CDYL2: variants seen among roughly 807,000 people sequenced by gnomAD.
CDYL2 encodes the protein chromodomain Y like 2, also known as chromodomain Y-like protein 2.
Under a neutral mutation model 49.4 loss-of-function variants are expected in CDYL2, and 23 were observed. The ratio of observed to expected loss-of-function variants is 0.47; its 90% CI spans 0.34 to 0.66. CDYL2 has a LOEUF of 0.66. Among genes scored for constraint, CDYL2 ranks in the 30% least tolerant of loss-of-function variants. The pLI, the probability that CDYL2 is intolerant of heterozygous loss-of-function variation, is 0.01. For synonymous variants in CDYL2, 360 were observed against 268.8 expected (o/e 1.34, Z -3.32); for missense variants, 678 against 656.4 (o/e 1.03, Z -0.36).
At chr16:80,637,738 G>A (rs574191269) in intron 2 of CDYL2, among the ~76,000 whole-genome samples, 1 of 152,108 alleles carries the variant, frequency 6.6e-6, no homozygotes, top group East Asian at 1.9e-4. Flanking sequence ...TTTCAAAGTA[G>A]CTAGAACAGA....
At chr16:80,752,647 A>G (rs1372150844) in intron 1 of CDYL2, among the ~76,000 whole-genome samples, 2 of 152,234 alleles carry the variant, frequency 1.3e-5, no homozygotes, top group Non-Finnish European at 2.9e-5. Flanking sequence ...CCCTATGGAA[A>G]TATCCTTATA....
chr16:80,673,468 T>G (rs1420575711), intron 2 of CDYL2, among the ~76,000 whole-genome samples: 1 of 152,246 alleles, frequency 6.6e-6, no homozygotes, highest in Non-Finnish European at 1.5e-5. Flanking sequence ...ATCTACTTGA[T>G]GTGGCTTTTG....
At chr16:80,700,398 A>G (rs1487031740) in intron 1 of CDYL2, among the ~76,000 whole-genome samples, 2 of 152,240 alleles carry the variant, frequency 1.3e-5, no homozygotes, top group East Asian at 1.9e-4. Context: ...AAATTAAATG[A>G]CAATGGACTG....
At chr16:80,750,301 C>G (rs992830376) in intron 1 of CDYL2, among the ~76,000 whole-genome samples, 1 of 150,512 alleles carries the variant, frequency 6.6e-6, no homozygotes, top group African/African-American at 2.4e-5. Context: ...AAAACACACC[C>G]ACAAATATCA....
At chr16:80,676,027 T>C (rs1455928500) in intron 2 of CDYL2, among the ~76,000 whole-genome samples, 1 of 152,036 alleles carries the variant, frequency 6.6e-6, no homozygotes, top group African/African-American at 2.4e-5. Context: ...AAATCCAGAA[T>C]TCAGGAGCCA....
intron 1 of CDYL2, among the ~76,000 whole-genome samples, chr16:80,698,981 G>C (rs1375678065): frequency 6.6e-6 from 1 of 152,162 alleles, no homozygotes; most frequent in Non-Finnish European, 1.5e-5. Flanking sequence ...ACCCCAGGTA[G>C]AATGGCTATT....
At chr16:80,802,991 C>T (rs1907972495) in intron 1 of CDYL2, among the ~76,000 whole-genome samples, 1 of 152,202 alleles carries the variant, frequency 6.6e-6, no homozygotes, top group Non-Finnish European at 1.5e-5. Context: ...AAGTGCAGGT[C>T]CAGGCTAACC....
intron 2 of CDYL2, among the ~76,000 whole-genome samples, chr16:80,670,521 G>C (rs1305771672): frequency 6.6e-6 from 1 of 152,064 alleles, no homozygotes; most frequent in Admixed American, 6.6e-5. Context: ...ACCCAGTCTC[G>C]GGTGTGTCTT....
At chr16:80,801,992 T>C (rs772691173) in intron 1 of CDYL2, among the ~76,000 whole-genome samples, 14 of 152,304 alleles carry the variant, frequency 9.2e-5, no homozygotes, top group African/African-American at 2.6e-4. Context: ...ATTTTCCATC[T>C]AGTACAATTA....
At chr16:80,653,675 C>A (rs77467828) in intron 2 of CDYL2, among the ~76,000 whole-genome samples, 2,550 of 152,204 alleles carry the variant, frequency 0.017, 59 homozygotes, top group African/African-American at 0.039. Flanking sequence ...ATTCCTCAAG[C>A]ATGTATTCTT....
At chr16:80,611,610 G>A (rs760333229) in intron 5 of CDYL2, among the ~76,000 whole-genome samples, 2 of 152,150 alleles carry the variant, frequency 1.3e-5, no homozygotes, top group Non-Finnish European at 2.9e-5. Flanking sequence ...GGCTGGGTTC[G>A]GAGCACAGAC....
chr16:80,783,015 T>A (rs1907323269), intron 1 of CDYL2, among the ~76,000 whole-genome samples: 1 of 152,002 alleles, frequency 6.6e-6, no homozygotes, highest in Non-Finnish European at 1.5e-5. Context: ...CACCAAGAGC[T>A]AAGGCAATGA....
intron 1 of CDYL2, among the ~76,000 whole-genome samples, chr16:80,766,192 T>A (rs1567600183): frequency 6.6e-6 from 1 of 151,934 alleles, no homozygotes; most frequent in Admixed American, 6.6e-5. Flanking sequence ...GCTGCACAAC[T>A]CTGTGAATGC....
At chr16:80,606,366 T>C (rs7196676) in intron 6 of CDYL2, among the ~76,000 whole-genome samples, 41,655 of 152,102 alleles carry the variant, frequency 0.27, 5,935 homozygotes, top group Middle Eastern at 0.38. Flanking sequence ...GCCTGTACCC[T>C]CAGGTGTCCT....
chr16:80,773,242 T>C (rs1267308257), intron 1 of CDYL2, among the ~76,000 whole-genome samples: 1 of 152,168 alleles, frequency 6.6e-6, no homozygotes, highest in Non-Finnish European at 1.5e-5. Flanking sequence ...ATCAATTTCC[T>C]AGGAACACAG....
chr16:80,744,808 G>C (rs1440162561), intron 1 of CDYL2, among the ~76,000 whole-genome samples: 1 of 152,122 alleles, frequency 6.6e-6, no homozygotes, highest in African/African-American at 2.4e-5. Flanking sequence ...TTATCTCTGT[G>C]ACAGCTGGCA....
chr16:80,623,495 G>A lies in CDYL2; in HGVS notation c.835-2560C>T, dbSNP rs1245501789. 4.6e-5 allele frequency among the ~76,000 whole-genome samples: 7 copies of A among 152,264 alleles called. No individual in the cohort carries two copies. In the South Asian group the frequency reaches 1.5e-3, roughly 32 times the overall value. On this transcript the variant is annotated intron_variant, in intron 3 of 6. Coordinates refer to ENST00000570137, the MANE Select transcript of CDYL2 (RefSeq NM_152342.4). ...TTTCAAACCTCACTACTCAAAGTATGGTCCTTAGACCAGCAGCTTCACATT... is the reference window on the plus strand; with the variant it reads ...TTTCAAACCTCACTACTCAAAGTATAGTCCTTAGACCAGCAGCTTCACATT...
In CDYL2 at chr16:80,620,937, TG is replaced by T; in HGVS notation, c.835-3del. 6.3e-7 allele frequency: 1 copy of T among 1,590,512 alleles called. No homozygotes were observed. Among genetic ancestry groups the T allele is most frequent in the Non-Finnish European group, 8.6e-7 (1 of 1,164,456 alleles). On this transcript the variant is annotated splice_region_variant and splice_polypyrimidine_tract_variant and intron_variant, in intron 3 of 6. Transcript: ENST00000570137. Reference sequence around the variant, plus strand: ...CGCTCGCCGGACTTCTTTCATGATCTGCCGGCAGAGATGAATTTGCAGGGAT... The same window carrying T: ...CGCTCGCCGGACTTCTTTCATGATCTCCGGCAGAGATGAATTTGCAGGGAT...
At chr16:80,686,538 C>T (rs1910202202) in intron 1 of CDYL2, among the ~76,000 whole-genome samples, 1 of 152,038 alleles carries the variant, frequency 6.6e-6, no homozygotes. Flanking sequence ...AACAGGTGAG[C>T]AAAGGTGAGT....
Sources: gnomAD v4.1 joint callset for allele counts (sites outside exome capture counted in the v4.1 genomes callset) on GRCh38, gnomAD v4.1.1 for gene constraint, MANE v1.5 for transcripts, NCBI Gene and HGNC (gene_info 2026-07-23, HGNC 2026-07-21) for gene names.